Variants in MSH6 observed in about 807,000 individuals in gnomAD.
MSH6 encodes the protein mutS homolog 6, also known as DNA mismatch repair protein Msh6.
In MSH6, 85 loss-of-function variants were observed where a neutral mutation model predicts 119.1. The observed-to-expected ratio is 0.71, with a 90% confidence interval of 0.60 to 0.85. The LOEUF is 0.85. MSH6 is among the 40% of genes least tolerant of loss of function. The pLI is 0.00. For synonymous variants in MSH6, 830 were observed against 586.9 expected (o/e 1.41, Z -5.99); for missense variants, 2,163 against 1,655.3 (o/e 1.31, Z -5.32).
In MSH6 at chr2:47,790,891, A is replaced by G. The variant is rs1800931; in HGVS notation, c.261-36A>G. The G allele has an allele frequency of 0.05, 80,712 of 1,605,144 alleles. 2,371 individuals carry two copies. Among genetic ancestry groups the G allele is most frequent in the Non-Finnish European group, 0.06 (69,938 of 1,171,768 alleles). On this transcript the variant is annotated intron_variant, in intron 1 of 9. Transcript: ENST00000234420. Reference sequence around the variant, plus strand: ...ACTGCCTTTAAGGAAACTTGACCAAATATTAACTAAGTTATGTATTTCCTT... The same window carrying G: ...ACTGCCTTTAAGGAAACTTGACCAAGTATTAACTAAGTTATGTATTTCCTT...
Position 47,805,044 on chromosome 2 carries a change from C to G in MSH6, c.3556+17C>G, listed in dbSNP as rs1460878426. Reference sequence around the variant, plus strand: ...TAATGTCAGGTGAGTTTTTTGTTTCCCACTTAAGTTCTCATTCAGTCATTT... The same window carrying G: ...TAATGTCAGGTGAGTTTTTTGTTTCGCACTTAAGTTCTCATTCAGTCATTT... On this transcript the variant is annotated intron_variant, in intron 6 of 9. Coordinates refer to ENST00000234420, the MANE Select transcript of MSH6 (RefSeq NM_000179.3). 1 of 1,525,098 alleles carries G rather than the reference C, an allele frequency of 6.6e-7. No homozygotes were observed. The highest frequency in any genetic ancestry group is 9.1e-7 in the Non-Finnish European group (1 of 1,098,844). The allele number at this position is 1,525,098 out of a possible 1,614,324, so 94.5% of individuals were successfully genotyped here.
At chr2:47,791,886 G>A (rs2104132211) in intron 2 of MSH6, among the ~76,000 whole-genome samples, 1 of 151,478 alleles carries the variant, frequency 6.6e-6, no homozygotes, top group East Asian at 1.9e-4. Context: ...TGCTCTTTTG[G>A]CCCAGGCTGG....
chr2:47,795,992 G>A lies in MSH6; in HGVS notation c.556G>A (p.Asp186Asn), dbSNP rs1212607928. The change falls in exon 3 of 10, where the codon GAC becomes AAC. Residue 186 changes from aspartate to asparagine, a missense_variant. Physicochemically the swap from Asp to Asn is conservative, Grantham distance 23. Transcript: ENST00000234420. Reference protein sequence around the residue: ...MQRADEALNKDKIKRLELAVC... With the variant: ...MQRADEALNKNKIKRLELAVC... Reference sequence around the variant, plus strand: ...ACGTGCAGATGAAGCCTTAAATAAAGACAAGATTAAGAGGCTTGAATTGGC... The same window carrying A: ...ACGTGCAGATGAAGCCTTAAATAAAAACAAGATTAAGAGGCTTGAATTGGC... The A allele has an allele frequency of 1.2e-6, 2 of 1,614,048 alleles. No homozygotes were observed. The highest frequency in any genetic ancestry group is 1.3e-5 in the African/African-American group (1 of 74,918).
Position 47,800,536 on chromosome 2 carries a change from C to A in MSH6, c.2553C>A (p.Ser851Arg). ...TAATGTATGAAGAAACTACATACAG[C>A]AAGAAGAAGATTATTGATTTTCTTT... ...RAIMYEETTYSKKKIIDFLSA... is the reference protein window; with the variant it reads ...RAIMYEETTYRKKKIIDFLSA... The change falls in exon 4 of 10, where the codon AGC becomes AGA. Residue 851 changes from serine to arginine, a missense_variant. Ser to Arg is a moderately radical substitution (Grantham distance 110). Coordinates refer to ENST00000234420, the MANE Select transcript of MSH6 (RefSeq NM_000179.3). The A allele has an allele frequency of 1.2e-6, 2 of 1,613,368 alleles. No individual in the cohort carries two copies. The highest frequency in any genetic ancestry group is 1.1e-5 in the South Asian group (1 of 91,012).
chr2:47,788,930 T>TGTTTTTGTTTTTTTTTTTTTG (rs1558650258), intron 1 of MSH6, among the ~76,000 whole-genome samples: 1 of 92,722 alleles, frequency 1.1e-5, no homozygotes, highest in African/African-American at 5.1e-5. Context: ...TTGTTTTTTT[T>TGTTTTTGTTTTTTTTTTTTTG]TTTTTTTTTT....
rs886056140 is a variant in MSH6 at position 47,783,193 on chromosome 2, G to T, written c.-41G>T. 3 of 1,608,254 alleles carry T rather than the reference G, an allele frequency of 1.9e-6. No homozygotes were observed. The highest frequency in any genetic ancestry group is 1.7e-5 in the Admixed American group (1 of 59,660). On this transcript the variant is annotated 5_prime_UTR_variant, in exon 1 of 10. Coordinates refer to ENST00000234420, the MANE Select transcript of MSH6 (RefSeq NM_000179.3). Reference sequence around the variant, plus strand: ...CGCGGTAGATGCGGTGCTTTTAGGAGCTCCGTCCGACAGAACGGTTGGGCC... The same window carrying T: ...CGCGGTAGATGCGGTGCTTTTAGGATCTCCGTCCGACAGAACGGTTGGGCC...
At position 47,798,837 on chromosome 2, in the gene MSH6, G is replaced by T. The variant is rs63750878; in HGVS notation, c.854G>T (p.Ser285Ile). Residue 285 changes from serine (S) to isoleucine (I), a missense_variant, in exon 4 of 10, where the codon AGT (serine) becomes ATT (isoleucine). Physicochemically the swap from Ser to Ile is moderately radical, Grantham distance 142. Coordinates refer to ENST00000234420, the MANE Select transcript of MSH6 (RefSeq NM_000179.3). Reference sequence around the variant, plus strand: ...GAAATAAGCAGTGGAGTGGGGGATAGTGAGAGTGAAGGCCTGAACAGCCCT... The same window carrying T: ...GAAATAAGCAGTGGAGTGGGGGATATTGAGAGTGAAGGCCTGAACAGCCCT... ...SDEISSGVGDSESEGLNSPVK... is the reference protein window; with the variant it reads ...SDEISSGVGDIESEGLNSPVK... 25 of 1,614,100 alleles carry T rather than the reference G, an allele frequency of 1.5e-5. No homozygotes were observed. The highest frequency in any genetic ancestry group is 1.9e-5 in the Non-Finnish European group (23 of 1,180,048).
chr2:47,804,092 G>A (rs1360809295), intron 5 of MSH6, among the ~76,000 whole-genome samples: 2 of 152,014 alleles, frequency 1.3e-5, no homozygotes, highest in Non-Finnish European at 2.9e-5. Flanking sequence ...ATGACCTCTA[G>A]CAACTGTTGA....
In MSH6 at chr2:47,788,906, C is replaced by CTTTTTTTTTTT. The variant is rs1491155839; in HGVS notation, c.261-2021_261-2020insTTTTTTTTTTT. ...GCTATTTCTTTCTTTCTTTCTTCTT[C>CTTTTTTTTTTT]CTTTTTTTTTTTTTTGTTTTTTTTT... On this transcript the variant is annotated intron_variant, in intron 1 of 9. Coordinates refer to ENST00000234420, the MANE Select transcript of MSH6 (RefSeq NM_000179.3). 9.0e-3 allele frequency among the ~76,000 whole-genome samples: 143 copies of CTTTTTTTTTTT among 15,804 alleles called. 27 individuals carry two copies. The highest frequency in any genetic ancestry group is 0.029 in the East Asian group (23 of 796). 10.4% of individuals were successfully genotyped at this position (15,804 alleles called of 152,430 possible).
downstream of MSH6, chr2:47,809,215 C>G: frequency 6.2e-7 from 1 of 1,607,178 alleles, no homozygotes; most frequent in Non-Finnish European, 8.5e-7. Flanking sequence ...TAAACATTGG[C>G]CTCTACTAAC....
chr2:47,801,192 A>T, intron 4 of MSH6, 37 bp downstream of exon 4: 1 of 1,601,724 alleles, frequency 6.2e-7, no homozygotes, highest in South Asian at 1.1e-5. Context: ...AGGCTTTGAT[A>T]AGTAGTGCTG....
intron 1 of MSH6, among the ~76,000 whole-genome samples, chr2:47,785,788 G>C (rs985156054): frequency 6.6e-6 from 1 of 152,098 alleles, no homozygotes; most frequent in African/African-American, 2.4e-5. Context: ...AAACCAAACG[G>C]GTGTATTTAT....
chr2:47,801,042 A>C lies in MSH6; in HGVS notation c.3059A>C (p.Asn1020Thr). The C allele has an allele frequency of 6.3e-7, 1 of 1,594,722 alleles. No homozygotes were observed. The highest frequency in any genetic ancestry group is 8.5e-7 in the Non-Finnish European group (1 of 1,170,812). Reference sequence around the variant, plus strand: ...GAAAAGAAGTTGGCTAATCTCATAAATGCTGAAGAACGGAGGGATGTATCA... The same window carrying C: ...GAAAAGAAGTTGGCTAATCTCATAACTGCTGAAGAACGGAGGGATGTATCA... ...TIEKKLANLINAEERRDVSLK... is the reference protein window; with the variant it reads ...TIEKKLANLITAEERRDVSLK... The change falls in exon 4 of 10, where the codon AAT becomes ACT. Residue 1020 changes from asparagine (N) to threonine (T), a missense_variant. By Grantham distance (65) the Asn-to-Thr change is moderately conservative (BLOSUM62 0). Coordinates refer to ENST00000234420, the MANE Select transcript of MSH6 (RefSeq NM_000179.3).
In MSH6 at chr2:47,798,928, T is replaced by G. The variant is rs761581941; in HGVS notation, c.945T>G (p.Ser315=). Residue 315 remains serine, a synonymous_variant, in exon 4 of 10, where the codon TCT becomes TCG. Coordinates refer to ENST00000234420, the MANE Select transcript of MSH6 (RefSeq NM_000179.3). ...ATGGCTCTCTTAAAAGGAAAAGCTC[T>G]AGGAAGGAAACGCCCTCAGCCACCA... is the stretch of plus-strand genomic sequence containing the variant. ...TGNGSLKRKS[S]RKETPSATKQ... The G allele has an allele frequency of 1.9e-5, 30 of 1,614,126 alleles. No individual in the cohort carries two copies. Among genetic ancestry groups the G allele is most frequent in the Non-Finnish European group, 2.0e-5 (24 of 1,180,032 alleles).
intron 5 of MSH6, 39 bp from the exon 6 acceptor site, chr2:47,804,871 C>G (rs368330006): frequency 2.9e-5 from 42 of 1,455,146 alleles, no homozygotes; most frequent in Non-Finnish European, 3.9e-5. Flanking sequence ...GAAACTGTTA[C>G]TACCAGTCAT....
rs267608129 is a variant in MSH6 at position 47,806,580 on chromosome 2, G to C, written c.3930G>C (p.Glu1310Asp). 1.4e-5 allele frequency: 23 copies of C among 1,613,430 alleles called. No individual in the cohort carries two copies. The highest frequency in any genetic ancestry group is 2.7e-5 in the African/African-American group (2 of 74,822). ...FNAARLANLP[E>D]EVIQKGHRKA... is the part of the protein sequence containing the mutation. Reference sequence around the variant, plus strand: ...CAGCAAGGCTTGCTAATCTCCCAGAGGAAGTTATTCAAAAGGGACATAGAA... The same window carrying C: ...CAGCAAGGCTTGCTAATCTCCCAGACGAAGTTATTCAAAAGGGACATAGAA... The change falls in exon 9 of 10, where the codon GAG (glutamate) becomes GAC (aspartate). Residue 1310 changes from glutamate (E) to aspartate (D), a missense_variant. Transcript: ENST00000234420.
At chr2:47,796,505 G>C (rs1336616257) in intron 3 of MSH6, among the ~76,000 whole-genome samples, 1 of 152,158 alleles carries the variant, frequency 6.6e-6, no homozygotes, top group Non-Finnish European at 1.5e-5. Context: ...GCCTCCCAAA[G>C]TGTTGGGATT....
intron 4 of MSH6, 30 bp downstream of exon 4, chr2:47,801,185 C>G (rs777893200): frequency 6.2e-7 from 1 of 1,603,632 alleles, no homozygotes; most frequent in Non-Finnish European, 8.5e-7. Context: ...TGTTCTCAGG[C>G]TTTGATAAGT....
intron 1 of MSH6, among the ~76,000 whole-genome samples, chr2:47,789,637 G>T (rs1048782434): frequency 6.6e-6 from 1 of 152,074 alleles, no homozygotes; most frequent in East Asian, 1.9e-4. Context: ...TATCTGAGGG[G>T]GATTGGTTGC....
Sources: allele counts gnomAD v4.1 joint callset (sites outside exome capture counted in the v4.1 genomes callset), GRCh38; gene constraint gnomAD v4.1.1; transcripts MANE v1.5; gene names NCBI Gene and HGNC (gene_info 2026-07-23, HGNC 2026-07-21).